Variants in PRKDC observed in about 807,000 individuals in gnomAD.
PRKDC encodes the protein protein kinase, DNA-activated, catalytic subunit, also known as DNA-dependent protein kinase catalytic subunit.
PRKDC carries 82 observed loss-of-function variants against 486.9 expected under a neutral mutation model. The observed-to-expected ratio is 0.17, with a 90% confidence interval of 0.14 to 0.20. PRKDC has a LOEUF of 0.20. Among genes scored for constraint, PRKDC ranks in the 10% least tolerant of loss-of-function variants. The pLI is 1.00. For synonymous variants in PRKDC, 1,895 were observed against 1,837.0 expected (o/e 1.03, Z -0.81); for missense variants, 4,504 against 5,038.2 (o/e 0.89, Z 3.21).
intron 40 of PRKDC, among the ~76,000 whole-genome samples, chr8:47,871,793 G>A (rs898098489): frequency 2.6e-5 from 4 of 151,702 alleles, no homozygotes; most frequent in Non-Finnish European, 4.4e-5. Context: ...GTTTCATCAT[G>A]TTGACCAGGT....
At chr8:47,796,987 A>G (rs1467290127) in intron 73 of PRKDC, among the ~76,000 whole-genome samples, 1 of 152,102 alleles carries the variant, frequency 6.6e-6, no homozygotes, top group Non-Finnish European at 1.5e-5. Flanking sequence ...TCTTCATTCC[A>G]AGACCATTTA....
chr8:47,937,977 T>C (rs940313730), intron 11 of PRKDC, among the ~76,000 whole-genome samples: 2 of 152,152 alleles, frequency 1.3e-5, no homozygotes, highest in African/African-American at 4.8e-5. Context: ...TTGCTGGGCA[T>C]GGTGGCTCAT....
Position 47,953,791 on chromosome 8 carries a change from A to G in PRKDC, c.621+16T>C. 3.2e-6 allele frequency: 5 copies of G among 1,573,280 alleles called. No homozygotes were observed. The highest frequency in any genetic ancestry group is 4.3e-6 in the Non-Finnish European group (5 of 1,157,032). ...ACCACATCTATGGAAGCAGAATGTC[A>G]TAAAGTTCATCATACCTGGGTCTTA... On this transcript the variant is annotated intron_variant, in intron 6 of 85. Transcript: ENST00000314191.
rs556203152 is a variant in PRKDC at position 47,831,251 on chromosome 8, C to G, written c.8266-515G>C. Among the ~76,000 whole-genome samples, 5 of 152,350 alleles carry G rather than the reference C, an allele frequency of 3.3e-5. No homozygotes were observed. In the East Asian group the frequency reaches 9.7e-4, roughly 29 times the overall value. On this transcript the variant is annotated intron_variant, in intron 60 of 85. Coordinates refer to ENST00000314191, the MANE Select transcript of PRKDC (RefSeq NM_006904.7). The stretch of plus-strand genomic sequence containing the variant: ...GGGGGCCGGCACAGCGCCCCACTTC[C>G]AGGGCTTCACACCCAGATGTGGATG...
intron 76 of PRKDC, among the ~76,000 whole-genome samples, chr8:47,786,224 A>C (rs931244970): frequency 2.6e-5 from 4 of 152,152 alleles, no homozygotes; most frequent in Non-Finnish European, 5.9e-5. Context: ...CAGCCTGGCC[A>C]ATATGGTGAA....
Position 47,930,022 on chromosome 8 carries a change from CAAATTAG to C in PRKDC, c.1893-17_1893-11del, listed in dbSNP as rs1665583046. 1.9e-6 allele frequency: 3 copies of C among 1,590,878 alleles called. No individual in the cohort carries two copies. The highest frequency in any genetic ancestry group is 2.6e-6 in the Non-Finnish European group (3 of 1,171,432). On this transcript the variant is annotated splice_polypyrimidine_tract_variant and intron_variant, in intron 17 of 85. Coordinates refer to ENST00000314191, the MANE Select transcript of PRKDC (RefSeq NM_006904.7). ...CTCAGGGAGAATCTCTCTGTAAAAA[CAAATTAG>C]AAATTGAAGGTAGAAATTTGTATCA...
chr8:47,855,213 T>C lies in PRKDC; in HGVS notation c.6761+9A>G, dbSNP rs1347216868. 1 of 1,582,136 alleles carries C rather than the reference T, an allele frequency of 6.3e-7. No homozygotes were observed. Among genetic ancestry groups the C allele is most frequent in the Admixed American group, 1.9e-5 (1 of 53,632 alleles). On this transcript the variant is annotated intron_variant, in intron 50 of 85. Coordinates refer to ENST00000314191, the MANE Select transcript of PRKDC (RefSeq NM_006904.7). ...TTCTAAACAATACTGCAAAAACCAG[T>C]AAACATACCTATAAGGGATGGATAA... is the stretch of plus-strand genomic sequence containing the variant.
chr8:47,953,252 A>G (rs2090654225), intron 7 of PRKDC, among the ~76,000 whole-genome samples: 1 of 152,228 alleles, frequency 6.6e-6, no homozygotes, highest in Admixed American at 6.5e-5. Flanking sequence ...GGTTGCAGTG[A>G]GCCAAGAAAG....
intron 85 of PRKDC, among the ~76,000 whole-genome samples, chr8:47,776,139 T>TACTCCTA (rs1203023681): frequency 7.2e-5 from 11 of 152,140 alleles, no homozygotes; most frequent in Non-Finnish European, 1.0e-4. Flanking sequence ...TTTCTAAGTG[T>TACTCCTA]TTTATAGTTT....
At chr8:47,852,944 G>C (rs538281796) in intron 51 of PRKDC, among the ~76,000 whole-genome samples, 160 bp from the exon 52 acceptor site, 81 of 152,304 alleles carry the variant, frequency 5.3e-4, no homozygotes, top group Non-Finnish European at 9.8e-4. Context: ...GCACACATCA[G>C]CATGTACGTA....
At chr8:47,870,385 A>T (rs1375447841) in intron 40 of PRKDC, among the ~76,000 whole-genome samples, 1 of 152,236 alleles carries the variant, frequency 6.6e-6, no homozygotes, top group Non-Finnish European at 1.5e-5. Flanking sequence ...TAAAGGAAAC[A>T]AGAGTCTCTG....
At chr8:47,804,218 GTTCATGCATGT>G (rs2154498382) in intron 69 of PRKDC, among the ~76,000 whole-genome samples, 1 of 151,524 alleles carries the variant, frequency 6.6e-6, no homozygotes, top group East Asian at 1.9e-4. Context: ...TGTTTTCTAG[GTTCATGCATGT>G]TGCAGCACCT....
At chr8:47,839,093 C>T in intron 56 of PRKDC, 55 bp downstream of exon 56, 2 of 1,362,358 alleles carry the variant, frequency 1.5e-6, no homozygotes, top group Non-Finnish European at 2.1e-6. Context: ...CTCTATGCTA[C>T]CTTTGAAAGC....
At position 47,798,392 on chromosome 8, in the gene PRKDC, C is replaced by T. The variant is rs1284498910; in HGVS notation, c.10303G>A (p.Asp3435Asn). Residue 3435 changes from aspartate to asparagine, a missense_variant, in exon 73 of 86, where the codon GAT (aspartate) becomes AAT (asparagine). Asp to Asn is a conservative substitution (Grantham distance 23). Around this residue, in one of 6 missense-constraint regions of PRKDC, gnomAD observed 706 missense variants for 945.0 expected, o/e 0.75. Transcript: ENST00000314191. ...GGATACGCCTGCAGTTCTGCAGAAT[C>T]AATAACTATCAAGGACACCAAAGAA... ...RKEEENASVI[D>N]SAELQAYPAL... The T allele has an allele frequency of 1.9e-6, 3 of 1,595,124 alleles. No individual in the cohort carries two copies. In the South Asian group the frequency reaches 3.4e-5, roughly 18 times the overall value.
chr8:47,959,375 G>A (rs902740765), intron 1 of PRKDC: 2 of 152,118 alleles, frequency 1.3e-5, no homozygotes, highest in Non-Finnish European at 1.5e-5. Flanking sequence ...CGAGATTCAG[G>A]TGAAAGAAAA....
At chr8:47,880,871 T>A (rs997323400) in intron 38 of PRKDC, among the ~76,000 whole-genome samples, 14 of 151,476 alleles carry the variant, frequency 9.2e-5, no homozygotes, top group Admixed American at 6.6e-4. Context: ...CTGGCCACTA[T>A]GGTGAAATAT....
chr8:47,871,933 A>G (rs2088962427), intron 40 of PRKDC, among the ~76,000 whole-genome samples: 1 of 152,178 alleles, frequency 6.6e-6, no homozygotes, highest in Admixed American at 6.5e-5. Context: ...AATGAGCAAT[A>G]AGAAATCACC....
At chr8:47,888,696 T>G in intron 33 of PRKDC, 46 bp from the exon 34 acceptor site, 1 of 1,510,018 alleles carries the variant, frequency 6.6e-7, no homozygotes, top group Non-Finnish European at 8.9e-7. Context: ...CTGATCTCGT[T>G]AAATTATCAA....
intron 46 of PRKDC, 110 bp downstream of exon 46, chr8:47,859,501 G>A: frequency 7.9e-7 from 1 of 1,258,818 alleles, no homozygotes; most frequent in East Asian, 2.3e-5. Flanking sequence ...TACTCCGAGG[G>A]TTGTCAATGG....
Sources: gnomAD v4.1 joint callset for allele counts (sites outside exome capture counted in the v4.1 genomes callset) on GRCh38, gnomAD v4.1.1 for gene constraint, gnomAD v4.1.1 regional missense constraint, MANE v1.5 for transcripts, NCBI Gene and HGNC (gene_info 2026-07-23, HGNC 2026-07-21) for gene names.